The following KANK4 variants were observed in gnomAD, a reference collection of about 807,000 sequenced individuals.
The protein encoded by KANK4 is KN motif and ankyrin repeat domains 4, also known as KN motif and ankyrin repeat domain-containing protein 4.
In KANK4, 50 loss-of-function variants were observed where a neutral mutation model predicts 80.8. The observed-to-expected ratio is 0.62, with a 90% CI of 0.49 to 0.78. The LOEUF (loss-of-function observed/expected upper bound fraction) is 0.78. Ranked by LOEUF, KANK4 falls within the 30% of genes least tolerant of loss-of-function variation. The pLI is 0.00. For synonymous variants in KANK4, 465 were observed against 506.9 expected (o/e 0.92, Z 1.11); for missense variants, 1,196 against 1,240.1 (o/e 0.96, Z 0.53).
intron 7 of KANK4, among the ~76,000 whole-genome samples, chr1:62,261,152 C>CTTTTTT (rs11322195): frequency 1.5e-5 from 1 of 68,384 alleles, no homozygotes; most frequent in African/African-American, 5.2e-5. Flanking sequence ...CTCCCAATGG[C>CTTTTTT]TTTTTTTTTT....
intron 1 of KANK4, among the ~76,000 whole-genome samples, chr1:62,315,165 A>T (rs986347001): frequency 6.6e-6 from 1 of 152,076 alleles, no homozygotes; most frequent in African/African-American, 2.4e-5. Context: ...AGGCACAGAG[A>T]GGTTATGGAC....
chr1:62,248,330 T>C (rs932692952), intron 8 of KANK4, among the ~76,000 whole-genome samples: 9 of 152,204 alleles, frequency 5.9e-5, no homozygotes, highest in African/African-American at 2.2e-4. Flanking sequence ...TCCTAATGCA[T>C]GATTCAGGCC....
At chr1:62,282,668 A>G (rs1672476767) in intron 1 of KANK4, among the ~76,000 whole-genome samples, 1 of 152,222 alleles carries the variant, frequency 6.6e-6, no homozygotes, top group South Asian at 2.1e-4. Flanking sequence ...GAGAAATGCC[A>G]AAGTTTGCCA....
chr1:62,245,606 G>C (rs543707918), intron 9 of KANK4, among the ~76,000 whole-genome samples: 4 of 152,286 alleles, frequency 2.6e-5, no homozygotes, highest in African/African-American at 9.6e-5. Flanking sequence ...TCAGACCTGG[G>C]CTTGAATCTC....
At chr1:62,286,358 G>C (rs993538330) in intron 1 of KANK4, among the ~76,000 whole-genome samples, 3 of 152,230 alleles carry the variant, frequency 2.0e-5, no homozygotes, top group African/African-American at 7.2e-5. Context: ...GGTAATCCCT[G>C]ACCTTGCTGG....
chr1:62,307,311 T>C (rs145587520), intron 1 of KANK4, among the ~76,000 whole-genome samples: 3,648 of 151,966 alleles, frequency 0.024, 118 homozygotes, highest in African/African-American at 0.075. Context: ...GGTGAAACCT[T>C]GTCCTACTAA....
At chr1:62,243,301 C>G (rs1463671609) in intron 9 of KANK4, among the ~76,000 whole-genome samples, 6 of 152,026 alleles carry the variant, frequency 3.9e-5, no homozygotes, top group Non-Finnish European at 8.8e-5. Context: ...CTAAACCAGG[C>G]ATTCTCAATT....
At chr1:62,279,198 G>GCGCGCACACACACA (rs1282615199) in intron 2 of KANK4, among the ~76,000 whole-genome samples, 19 of 146,286 alleles carry the variant, frequency 1.3e-4, no homozygotes, top group South Asian at 1.1e-3. Flanking sequence ...GCTAGCGCGC[G>GCGCGCACACACACA]CACACACACA....
At chr1:62,301,649 G>A (rs1001277364) in intron 1 of KANK4, among the ~76,000 whole-genome samples, 3 of 151,942 alleles carry the variant, frequency 2.0e-5, no homozygotes, top group Non-Finnish European at 4.4e-5. Context: ...CCCTAACTGC[G>A]CCCACCGCCT....
chr1:62,259,976 T>C lies in KANK4; in HGVS notation c.2539+3116A>G, dbSNP rs1460529964. 2.0e-5 allele frequency among the ~76,000 whole-genome samples: 3 copies of C among 152,192 alleles called. No homozygotes were observed. In the South Asian group the frequency reaches 6.2e-4, roughly 32 times the overall value. On this transcript the variant is annotated intron_variant, in intron 7 of 9. Coordinates refer to ENST00000371153, the MANE Select transcript of KANK4 (RefSeq NM_181712.5). ...GCCCATGCACTTTCGCTCAGCCTCA[T>C]CATGCACCTGTCTTTGATTGACTGT... is the stretch of plus-strand genomic sequence containing the variant.
chr1:62,287,908 C>T (rs913294620), intron 1 of KANK4, among the ~76,000 whole-genome samples: 2 of 152,134 alleles, frequency 1.3e-5, no homozygotes, highest in African/African-American at 4.8e-5. Context: ...AAAAAGAATC[C>T]AAAGTATACC....
At chr1:62,273,182 C>G in intron 3 of KANK4, 22 bp downstream of exon 3, 1 of 1,465,416 alleles carries the variant, frequency 6.8e-7, no homozygotes. Context: ...CTGTCTCAGG[C>G]CCCTATATTG....
chr1:62,282,973 TGA>T (rs1553131418), intron 1 of KANK4, among the ~76,000 whole-genome samples: 1 of 152,178 alleles, frequency 6.6e-6, no homozygotes, highest in Non-Finnish European at 1.5e-5. Context: ...TTGCAGAGGC[TGA>T]GAGTGGCCGC....
rs1672220372 is a variant in KANK4 at position 62,273,542 on chromosome 1, C to T, written c.1562G>A (p.Gly521Asp). The change falls in exon 3 of 10, where the codon GGC becomes GAC. Residue 521 changes from glycine to aspartate, a missense_variant. Physicochemically the swap from Gly to Asp is moderately conservative, Grantham distance 94. Coordinates refer to ENST00000371153, the MANE Select transcript of KANK4 (RefSeq NM_181712.5). Reference sequence around the variant, plus strand: ...CTTTCTGTCGCTGCCCCACAGAAAGCCTCCTGCTCCCCTGGTTCCTCCCTG... The same window carrying T: ...CTTTCTGTCGCTGCCCCACAGAAAGTCTCCTGCTCCCCTGGTTCCTCCCTG... ...GPQGGTRGAG[G>D]FLWGSDRKTP... is the part of the protein sequence containing the mutation. The T allele has an allele frequency of 6.2e-7, 1 of 1,613,452 alleles. No individual in the cohort carries two copies. Among genetic ancestry groups the T allele is most frequent in the Non-Finnish European group, 8.5e-7 (1 of 1,179,452 alleles).
intron 1 of KANK4, among the ~76,000 whole-genome samples, chr1:62,296,787 G>T (rs568319792): frequency 1.3e-5 from 2 of 152,072 alleles, no homozygotes; most frequent in South Asian, 2.1e-4. Flanking sequence ...TGATCTACCC[G>T]CCTTGGCCTC....
At chr1:62,291,041 C>A (rs11799578) in intron 1 of KANK4, among the ~76,000 whole-genome samples, 6,675 of 152,220 alleles carry the variant, frequency 0.044, 465 homozygotes, top group African/African-American at 0.15. Context: ...TGAGCCACCA[C>A]ACCTGGCCAT....
Position 62,238,221 on chromosome 1 carries a change from G to T in KANK4, c.*56C>A. 7.5e-7 allele frequency: 1 copy of T among 1,328,208 alleles called. No individual in the cohort carries two copies. Among genetic ancestry groups the T allele is most frequent in the Non-Finnish European group, 1.1e-6 (1 of 926,304 alleles). The allele number at this position is 1,328,208 out of a possible 1,614,324, so 82.3% of individuals were successfully genotyped here. ...TGACCTCTGCCCTCTTCAAGGGCGAGGGAGGAGTCCAGAGAAGAAGGCTTT... is the reference window on the plus strand; with the variant it reads ...TGACCTCTGCCCTCTTCAAGGGCGATGGAGGAGTCCAGAGAAGAAGGCTTT... On this transcript the variant is annotated 3_prime_UTR_variant, in exon 10 of 10. Coordinates refer to ENST00000371153, the MANE Select transcript of KANK4 (RefSeq NM_181712.5).
intron 1 of KANK4, among the ~76,000 whole-genome samples, chr1:62,293,739 A>T (rs1644330659): frequency 6.6e-6 from 1 of 152,180 alleles, no homozygotes; most frequent in Non-Finnish European, 1.5e-5. Context: ...TGGAATTCCA[A>T]TTCTCAGGAA....
intron 5 of KANK4, 71 bp downstream of exon 5, chr1:62,268,216 T>A (rs972311212): frequency 8.3e-7 from 1 of 1,203,658 alleles, no homozygotes; most frequent in Admixed American, 1.8e-5. Context: ...AATGATCGCA[T>A]GAACGGGTAG....
Sources: allele counts gnomAD v4.1 joint callset (sites outside exome capture counted in the v4.1 genomes callset), GRCh38; gene constraint gnomAD v4.1.1; transcripts MANE v1.5; gene names NCBI Gene and HGNC (gene_info 2026-07-23, HGNC 2026-07-21).